SYN3: variants seen among roughly 807,000 people sequenced by gnomAD.
SYN3 encodes synapsin-3.
A neutral mutation model predicts 65.8 loss-of-function variants in SYN3; 35 were observed. The ratio of observed to expected loss-of-function variants is 0.53; its 90% CI spans 0.41 to 0.70. SYN3 has a LOEUF of 0.70. Ranked by LOEUF, SYN3 falls within the 30% of genes least tolerant of loss-of-function variation. The pLI, the probability that SYN3 is intolerant of heterozygous loss-of-function variation, is 0.00. For synonymous variants in SYN3, 270 were observed against 292.9 expected (o/e 0.92, Z 0.80); for missense variants, 680 against 749.0 (o/e 0.91, Z 1.08).
At chr22:32,621,578 G>A (rs2059594784) in intron 6 of SYN3, among the ~76,000 whole-genome samples, 1 of 152,150 alleles carries the variant, frequency 6.6e-6, no homozygotes, top group Admixed American at 6.5e-5. Flanking sequence ...GTGAGAAAAG[G>A]CAGATCTTGC....
intron 6 of SYN3, among the ~76,000 whole-genome samples, chr22:32,745,458 G>A (rs1391186225): frequency 6.6e-6 from 1 of 152,174 alleles, no homozygotes; most frequent in African/African-American, 2.4e-5. Context: ...CTCTTCTCTG[G>A]TAATCCTCTT....
intron 4 of SYN3, among the ~76,000 whole-genome samples, chr22:32,910,559 A>G: frequency 6.6e-6 from 1 of 152,198 alleles, no homozygotes; most frequent in Non-Finnish European, 1.5e-5. Context: ...TTTTACTTCA[A>G]GAGTTAGTAG....
At chr22:32,826,422 C>T (rs1037751303) in intron 6 of SYN3, among the ~76,000 whole-genome samples, 27 of 151,438 alleles carry the variant, frequency 1.8e-4, no homozygotes, top group Admixed American at 4.6e-4. Flanking sequence ...GAGCAAACTC[C>T]GTCTCAAAAA....
intron 1 of SYN3, among the ~76,000 whole-genome samples, chr22:33,027,384 G>A (rs948752552): frequency 6.6e-6 from 1 of 152,058 alleles, no homozygotes; most frequent in African/African-American, 2.4e-5. Context: ...ATCGCCTGAG[G>A]TCAAGAGTTT....
At chr22:32,662,307 T>C (rs1314649250) in intron 6 of SYN3, among the ~76,000 whole-genome samples, 4 of 152,220 alleles carry the variant, frequency 2.6e-5, no homozygotes, top group African/African-American at 9.7e-5. Flanking sequence ...GTGGCTATCA[T>C]TCAGCTGAGG....
intron 7 of SYN3, among the ~76,000 whole-genome samples, chr22:32,569,673 T>C (rs1298773655): frequency 6.6e-6 from 1 of 151,972 alleles, no homozygotes; most frequent in African/African-American, 2.4e-5. Flanking sequence ...AAATGGAAGG[T>C]ATGGCTTTGA....
intron 7 of SYN3, among the ~76,000 whole-genome samples, chr22:32,573,936 AT>A (rs562426253): frequency 0.15 from 21,204 of 140,452 alleles, 1,688 homozygotes; most frequent in East Asian, 0.28. Context: ...CGCCCGGCTA[AT>A]TTTTTTTTTT....
intron 3 of SYN3, among the ~76,000 whole-genome samples, chr22:32,936,849 C>T (rs911721767): frequency 6.6e-6 from 1 of 152,188 alleles, no homozygotes; most frequent in African/African-American, 2.4e-5. Flanking sequence ...CCCAGTTTTA[C>T]AGTGAAAGTC....
At position 32,507,833 on chromosome 22, in the gene SYN3, T is replaced by TC. The variant is rs1300727803; in HGVS notation, c.*5858dup. Among the ~76,000 whole-genome samples the TC allele has an allele frequency of 6.6e-6, 1 of 152,002 alleles. No individual in the cohort carries two copies. Among genetic ancestry groups the TC allele is most frequent in the Non-Finnish European group, 1.5e-5 (1 of 68,014 alleles). ...AAAACCATATCCAGGCCGTCACCAA[T>TC]CATTCTACACAACAAATGTTTCTTC... On this transcript the variant is annotated 3_prime_UTR_variant, in exon 14 of 14. Coordinates refer to ENST00000358763, the MANE Select transcript of SYN3 (RefSeq NM_003490.4).
At chr22:32,689,179 G>A (rs2060630979) in intron 6 of SYN3, among the ~76,000 whole-genome samples, 1 of 152,094 alleles carries the variant, frequency 6.6e-6, no homozygotes, top group Admixed American at 6.5e-5. Context: ...GCGGAGATTG[G>A]GCAGCTGAAA....
intron 3 of SYN3, among the ~76,000 whole-genome samples, chr22:32,938,360 C>G (rs1197952063): frequency 1.3e-5 from 2 of 151,456 alleles, no homozygotes; most frequent in African/African-American, 2.4e-5. Flanking sequence ...AACCCTGTCT[C>G]TACTAAAAAA....
intron 7 of SYN3, among the ~76,000 whole-genome samples, chr22:32,557,789 A>G (rs1263890762): frequency 6.6e-6 from 1 of 152,124 alleles, no homozygotes; most frequent in African/African-American, 2.4e-5. Context: ...CTGGTCTGGC[A>G]CTTCCTAAAC....
At chr22:33,039,057 C>T (rs1311697238) in intron 1 of SYN3, among the ~76,000 whole-genome samples, 1 of 152,140 alleles carries the variant, frequency 6.6e-6, no homozygotes, top group Non-Finnish European at 1.5e-5. Context: ...GAGATGCCTC[C>T]ATCTGACTCA....
At chr22:32,872,367 A>G (rs1222297834) in intron 4 of SYN3, among the ~76,000 whole-genome samples, 2 of 152,208 alleles carry the variant, frequency 1.3e-5, no homozygotes, top group East Asian at 3.8e-4. Context: ...GCGATCCTAG[A>G]GAAGAAAACT....
At chr22:32,857,468 T>C in intron 6 of SYN3, 1 of 847,560 alleles carries the variant, frequency 1.2e-6, no homozygotes, top group South Asian at 1.4e-5. Context: ...TCCAGTAAAT[T>C]GTAAGGAGTC....
In SYN3 at chr22:32,946,876, C is replaced by G. The variant is rs191004066; in HGVS notation, c.370-15395G>C. ...GACAAATAGGTTTTAATTCTTTGGT[C>G]TCTAGATGAGGGCTATATATAGGCA... is the stretch of plus-strand genomic sequence containing the variant. On this transcript the variant is annotated intron_variant, in intron 3 of 13. Coordinates refer to ENST00000358763, the MANE Select transcript of SYN3 (RefSeq NM_003490.4). Among the ~76,000 whole-genome samples, 817 of 152,224 alleles carry G rather than the reference C, an allele frequency of 5.4e-3. 2 individuals are homozygous for G. Among genetic ancestry groups the G allele is most frequent in the Non-Finnish European group, 0.01 (691 of 68,008 alleles).
At chr22:33,035,414 A>G (rs1444247066) in intron 1 of SYN3, among the ~76,000 whole-genome samples, 1 of 137,594 alleles carries the variant, frequency 7.3e-6, no homozygotes, top group African/African-American at 2.6e-5. Context: ...CCCTCTTCCA[A>G]ATGAATAGCT....
chr22:32,721,401 G>T (rs145495882), intron 6 of SYN3, among the ~76,000 whole-genome samples: 2 of 152,162 alleles, frequency 1.3e-5, no homozygotes, highest in Non-Finnish European at 2.9e-5. Flanking sequence ...TCTGTCCCAG[G>T]TGTCTTCAAT....
At chr22:33,016,034 CG>C (rs1337506156) in intron 1 of SYN3, among the ~76,000 whole-genome samples, 1 of 151,952 alleles carries the variant, frequency 6.6e-6, no homozygotes, top group Non-Finnish European at 1.5e-5. Flanking sequence ...TTAGTTGAGA[CG>C]GGGTTTCACC....
Sources: gnomAD v4.1 joint callset for allele counts (sites outside exome capture counted in the v4.1 genomes callset) on GRCh38, gnomAD v4.1.1 for gene constraint, MANE v1.5 for transcripts, NCBI Gene and HGNC (gene_info 2026-07-23, HGNC 2026-07-21) for gene names.